The following SUMF1 variants were observed in gnomAD, a reference collection of about 807,000 sequenced individuals.
SUMF1 encodes formylglycine-generating enzyme.
Under a neutral mutation model 47.6 loss-of-function variants are expected in SUMF1, and 48 were observed. That is an observed-to-expected ratio of 1.01 (90% CI 0.80 to 1.28). The LOEUF is 1.28. Among genes scored for constraint, SUMF1 ranks in the 50% most tolerant of loss-of-function variants. The pLI is 0.00. For missense variants in SUMF1, 571 were observed against 485.4 expected (o/e 1.18, Z -1.66); for synonymous variants, 230 against 192.1 (o/e 1.20, Z -1.63).
chr3:4,436,376 G>C (rs1310599160), intron 3 of SUMF1, among the ~76,000 whole-genome samples: 1 of 151,878 alleles, frequency 6.6e-6, no homozygotes, highest in Non-Finnish European at 1.5e-5. Flanking sequence ...TAATACTAAA[G>C]ATATAGCCAA....
chr3:4,411,234 T>C (rs566109463), intron 6 of SUMF1, among the ~76,000 whole-genome samples: 6 of 152,150 alleles, frequency 3.9e-5, no homozygotes, highest in Non-Finnish European at 7.4e-5. Context: ...TTATTCCTAA[T>C]AGAGTTACTA....
chr3:4,202,478 T>C (rs1296560445), intron 8 of SUMF1, among the ~76,000 whole-genome samples: 1 of 152,082 alleles, frequency 6.6e-6, no homozygotes, highest in Non-Finnish European at 1.5e-5. Flanking sequence ...TCTGTTTTTA[T>C]GCCAGTACTA....
At chr3:4,136,810 A>G (rs1421638376) in intron 8 of SUMF1, among the ~76,000 whole-genome samples, 1 of 151,886 alleles carries the variant, frequency 6.6e-6, no homozygotes, top group South Asian at 2.1e-4. Flanking sequence ...AAGTGGGCAA[A>G]GGATATGAAC....
chr3:4,205,073 T>A (rs547073479), intron 8 of SUMF1, among the ~76,000 whole-genome samples: 1 of 152,224 alleles, frequency 6.6e-6, no homozygotes, highest in East Asian at 1.9e-4. Flanking sequence ...CACATATACA[T>A]CCAGATGGCC....
chr3:4,207,387 A>G (rs953772225), intron 8 of SUMF1, among the ~76,000 whole-genome samples: 2 of 152,166 alleles, frequency 1.3e-5, no homozygotes, highest in Non-Finnish European at 2.9e-5. Context: ...TGATGAGAAG[A>G]GACATTTTTG....
chr3:4,158,704 C>A (rs961479082), intron 8 of SUMF1, among the ~76,000 whole-genome samples: 7 of 151,556 alleles, frequency 4.6e-5, no homozygotes, highest in African/African-American at 1.7e-4. Context: ...TATCCTCTTG[C>A]TGAATTCACC....
At chr3:4,211,328 T>C (rs950585423) in intron 8 of SUMF1, among the ~76,000 whole-genome samples, 4 of 150,100 alleles carry the variant, frequency 2.7e-5, no homozygotes, top group African/African-American at 9.8e-5. Flanking sequence ...TCCTCTAACC[T>C]CCACCCTCCA....
intron 8 of SUMF1, among the ~76,000 whole-genome samples, chr3:4,322,315 TAG>T (rs1240094154): frequency 4.6e-5 from 7 of 152,012 alleles, no homozygotes; most frequent in African/African-American, 9.6e-5. Context: ...TATAATATCA[TAG>T]GTATGTATCA....
At chr3:4,299,106 G>A (rs1317247364) in intron 8 of SUMF1, among the ~76,000 whole-genome samples, 1 of 152,182 alleles carries the variant, frequency 6.6e-6, no homozygotes, top group Non-Finnish European at 1.5e-5. Context: ...CTTCTTTTAA[G>A]GAAGGATAGG....
intron 8 of SUMF1, among the ~76,000 whole-genome samples, chr3:4,125,276 ATGTTACCGGTTATTAC>A (rs1335549823): frequency 1.3e-5 from 2 of 152,144 alleles, no homozygotes; most frequent in East Asian, 3.9e-4. Context: ...AAATAACTAC[ATGTTACCGGTTATTAC>A]TGTACCGGAC....
intron 8 of SUMF1, among the ~76,000 whole-genome samples, chr3:4,100,337 C>T (rs1231688082): frequency 6.6e-6 from 1 of 151,868 alleles, no homozygotes; most frequent in African/African-American, 2.4e-5. Flanking sequence ...GGCATAAAAA[C>T]AGACACATCA....
chr3:4,292,890 T>C (rs1255287956), intron 8 of SUMF1, among the ~76,000 whole-genome samples: 2 of 152,208 alleles, frequency 1.3e-5, no homozygotes, highest in East Asian at 3.8e-4. Context: ...GTTTCCTGTG[T>C]CATTAACCCT....
intron 8 of SUMF1, among the ~76,000 whole-genome samples, chr3:4,134,523 T>C (rs1312662162): frequency 6.6e-6 from 1 of 151,986 alleles, no homozygotes; most frequent in African/African-American, 2.4e-5. Flanking sequence ...GCAGGAAAGA[T>C]CTAAAATTGA....
chr3:4,227,051 T>C (rs1361975737), intron 8 of SUMF1, among the ~76,000 whole-genome samples: 2 of 152,226 alleles, frequency 1.3e-5, no homozygotes, highest in East Asian at 3.9e-4. Flanking sequence ...GTCCTGCTGG[T>C]ACAGACACTA....
chr3:4,092,143 T>C (rs1692802387), intron 8 of SUMF1, among the ~76,000 whole-genome samples: 1 of 152,138 alleles, frequency 6.6e-6, no homozygotes, highest in East Asian at 1.9e-4. Flanking sequence ...TTAGAGCTGC[T>C]TGGCTGCTTG....
chr3:4,120,807 T>C (rs1693524380), intron 8 of SUMF1, among the ~76,000 whole-genome samples: 1 of 152,146 alleles, frequency 6.6e-6, no homozygotes. Flanking sequence ...AACACACAGT[T>C]TTGTATTAAA....
chr3:4,303,330 C>G (rs760273541), intron 8 of SUMF1: 5 of 1,502,324 alleles, frequency 3.3e-6, no homozygotes, highest in African/African-American at 2.9e-5. Flanking sequence ...ACCGCGCGGC[C>G]CAGGACTGTC....
At chr3:4,236,417 A>G (rs1006880878) in intron 8 of SUMF1, among the ~76,000 whole-genome samples, 6 of 152,238 alleles carry the variant, frequency 3.9e-5, no homozygotes, top group Middle Eastern at 3.4e-3. Flanking sequence ...TGCTTTTTCT[A>G]ATGACTGGGC....
intron 8 of SUMF1, among the ~76,000 whole-genome samples, chr3:4,247,590 G>A (rs187339006): frequency 5.3e-5 from 8 of 151,674 alleles, no homozygotes; most frequent in East Asian, 1.9e-4. Flanking sequence ...TAGTGCTAGC[G>A]GGGGAAGAAG....
Sources: gnomAD v4.1 joint callset for allele counts (sites outside exome capture counted in the v4.1 genomes callset) on GRCh38, gnomAD v4.1.1 for gene constraint, MANE v1.5 for transcripts, NCBI Gene and HGNC (gene_info 2026-07-23, HGNC 2026-07-21) for gene names.